PMS1: variants seen among roughly 807,000 people sequenced by gnomAD.
PMS1 encodes PMS1 protein homolog 1.
A neutral mutation model predicts 93.1 loss-of-function variants in PMS1; 79 were observed. The ratio of observed to expected loss-of-function variants is 0.85; its 90% CI spans 0.71 to 1.02. The LOEUF is 1.02. PMS1 is among the 50% of genes least tolerant of loss of function. The probability of loss-of-function intolerance (pLI) is 0.00; values close to 1 mark genes in which losing one functional copy is unlikely to be tolerated. For synonymous variants in PMS1, 335 were observed against 363.4 expected (o/e 0.92, Z 0.89); for missense variants, 1,064 against 1,085.3 (o/e 0.98, Z 0.28).
At chr2:189,807,396 G>A (rs939811130) in intron 4 of PMS1, among the ~76,000 whole-genome samples, 1 of 152,148 alleles carries the variant, frequency 6.6e-6, no homozygotes, top group Non-Finnish European at 1.5e-5. Flanking sequence ...ACAGACAGAA[G>A]GCATTTTTAA....
At chr2:189,799,641 T>G (rs1399978033) in intron 3 of PMS1, among the ~76,000 whole-genome samples, 1 of 152,238 alleles carries the variant, frequency 6.6e-6, no homozygotes, top group Non-Finnish European at 1.5e-5. Flanking sequence ...ACTTTTATAG[T>G]AGTAGGGGAC....
At position 189,854,281 on chromosome 2, in the gene PMS1, TA is replaced by T; in HGVS notation, c.1010del (p.Tyr337LeufsTer71). On this transcript the variant is annotated frameshift_variant, in exon 9 of 13. Coordinates refer to ENST00000441310, the MANE Select transcript of PMS1 (RefSeq NM_000534.5). LOFTEE classifies it high-confidence loss of function. ...TCTTGAAAATCTGATGACGACTTGT[TA>T]TGGACCATTACCTAGTACAAATTCT... ...IALENLMTTC[Y>X]GPLPSTNSYE... The T allele has an allele frequency of 1.2e-6, 2 of 1,600,176 alleles. No homozygotes were observed. The highest frequency in any genetic ancestry group is 1.7e-6 in the Non-Finnish European group (2 of 1,174,642).
chr2:189,867,998 T>G, intron 11 of PMS1, 69 bp downstream of exon 11: 1 of 1,295,648 alleles, frequency 7.7e-7, no homozygotes, highest in Non-Finnish European at 1.1e-6. Context: ...TACATTTGGG[T>G]TTCATGATTT....
At chr2:189,876,743 G>T (rs2106557732) in intron 12 of PMS1, among the ~76,000 whole-genome samples, 2 of 151,204 alleles carry the variant, frequency 1.3e-5, no homozygotes, top group Middle Eastern at 6.9e-3. Flanking sequence ...ATGTAGCTGG[G>T]ACTACAGGCA....
At chr2:189,825,789 C>G (rs947785403) in intron 5 of PMS1, among the ~76,000 whole-genome samples, 1 of 152,216 alleles carries the variant, frequency 6.6e-6, no homozygotes, top group African/African-American at 2.4e-5. Flanking sequence ...ATTCCCACTT[C>G]TATATCACAT....
At chr2:189,851,228 C>T (rs371934177) in intron 6 of PMS1, among the ~76,000 whole-genome samples, 1 of 152,088 alleles carries the variant, frequency 6.6e-6, no homozygotes, top group African/African-American at 2.4e-5. Context: ...TATTAAGTGG[C>T]CAACCAAGGT....
At chr2:189,845,734 C>CT (rs1037040208) in intron 6 of PMS1, among the ~76,000 whole-genome samples, 6 of 151,656 alleles carry the variant, frequency 4.0e-5, no homozygotes, top group Non-Finnish European at 8.8e-5. Flanking sequence ...ACTCATTTTT[C>CT]TTTTTTTTCT....
At chr2:189,827,914 T>TTTTGTTTG (rs57432899) in intron 5 of PMS1, among the ~76,000 whole-genome samples, 7,117 of 150,104 alleles carry the variant, frequency 0.047, 181 homozygotes, top group African/African-American at 0.067. Flanking sequence ...AAAAATAAGG[T>TTTTGTTTG]TTTGTTTGTT....
At chr2:189,795,644 T>C in intron 2 of PMS1, 125 bp from the exon 3 acceptor site, 2 of 775,370 alleles carry the variant, frequency 2.6e-6, no homozygotes, top group East Asian at 2.7e-5. Context: ...TAAACTCTTA[T>C]ATCCATAATG....
chr2:189,789,936 C>T (rs1443625318), intron 1 of PMS1, among the ~76,000 whole-genome samples: 9 of 152,238 alleles, frequency 5.9e-5, no homozygotes, highest in Middle Eastern at 6.8e-3. Flanking sequence ...TCCCTGCATG[C>T]TTTACAGATG....
chr2:189,820,301 C>T (rs1030715337), intron 5 of PMS1, among the ~76,000 whole-genome samples: 39 of 151,834 alleles, frequency 2.6e-4, no homozygotes, highest in African/African-American at 8.9e-4. Context: ...ATGCTCTCTT[C>T]CTTTTTTTTT....
intron 1 of PMS1, 66 bp downstream of exon 1, chr2:189,784,659 C>T (rs910189790): frequency 6.6e-6 from 1 of 152,432 alleles, no homozygotes; most frequent in Non-Finnish European, 1.5e-5. Context: ...GTCCCCTCTA[C>T]TCGTCCTGGT....
intron 6 of PMS1, among the ~76,000 whole-genome samples, chr2:189,849,285 A>G (rs2054500870): frequency 6.6e-6 from 1 of 152,146 alleles, no homozygotes; most frequent in Admixed American, 6.5e-5. Flanking sequence ...CCATCTCTGC[A>G]TTAGTTTATG....
chr2:189,861,747 C>CAAA (rs60765447), intron 9 of PMS1, among the ~76,000 whole-genome samples: 2 of 115,082 alleles, frequency 1.7e-5, no homozygotes. Context: ...GACTCTGTCT[C>CAAA]AAAAAAAAAA....
At chr2:189,811,846 C>T (rs1054886699) in intron 4 of PMS1, among the ~76,000 whole-genome samples, 2 of 151,962 alleles carry the variant, frequency 1.3e-5, no homozygotes, top group African/African-American at 4.8e-5. Context: ...TTTAGAGATT[C>T]ATAAAAGTGT....
chr2:189,811,390 C>T (rs2050835864), intron 4 of PMS1, among the ~76,000 whole-genome samples: 1 of 151,640 alleles, frequency 6.6e-6, no homozygotes, highest in Admixed American at 6.6e-5. Flanking sequence ...GAGTTTAAGA[C>T]CAGCCTGGCC....
At chr2:189,875,812 G>A (rs1388539769) in intron 12 of PMS1, among the ~76,000 whole-genome samples, 1 of 151,898 alleles carries the variant, frequency 6.6e-6, no homozygotes, top group Non-Finnish European at 1.5e-5. Flanking sequence ...ATTTAGCCAG[G>A]TGTGGTGGTG....
intron 4 of PMS1, 83 bp downstream of exon 4, chr2:189,805,837 A>G: frequency 6.3e-7 from 1 of 1,576,680 alleles, no homozygotes; most frequent in South Asian, 1.1e-5. Context: ...TACTCGGTGA[A>G]TACAAATATA....
chr2:189,786,067 G>A (rs929213470), intron 1 of PMS1, among the ~76,000 whole-genome samples: 1 of 152,124 alleles, frequency 6.6e-6, no homozygotes, highest in Admixed American at 6.5e-5. Flanking sequence ...AGAGGTTGCA[G>A]TGAGCCAAAA....
Sources: gnomAD v4.1 joint callset for allele counts (sites outside exome capture counted in the v4.1 genomes callset) on GRCh38, gnomAD v4.1.1 for gene constraint, MANE v1.5 for transcripts, NCBI Gene and HGNC (gene_info 2026-07-23, HGNC 2026-07-21) for gene names.